Variants in SAMD8 observed in about 807,000 individuals in gnomAD.
The protein encoded by SAMD8 is sterile alpha motif domain containing 8.
A neutral mutation model predicts 42.0 loss-of-function variants in SAMD8; 20 were observed. The ratio of observed to expected loss-of-function variants is 0.48; its 90% confidence interval spans 0.34 to 0.69. The LOEUF (loss-of-function observed/expected upper bound fraction) is 0.69. Ranked by LOEUF, SAMD8 falls within the 30% of genes least tolerant of loss-of-function variation. The pLI, the probability that SAMD8 is intolerant of heterozygous loss-of-function variation, is 0.01. For missense variants in SAMD8, 328 were observed against 511.6 expected (o/e 0.64, Z 3.46); for synonymous variants, 162 against 173.0 (o/e 0.94, Z 0.50).
intron 1 of SAMD8, among the ~76,000 whole-genome samples, chr10:75,135,139 A>G (rs951925349): frequency 6.6e-6 from 1 of 152,042 alleles, no homozygotes; most frequent in Admixed American, 6.6e-5. Flanking sequence ...TGATCATCAT[A>G]CAGTGTATAC....
chr10:75,147,592 C>G (rs1305521304), intron 1 of SAMD8, among the ~76,000 whole-genome samples: 1 of 152,130 alleles, frequency 6.6e-6, no homozygotes, highest in East Asian at 1.9e-4. Context: ...TCCCAAAGTG[C>G]TGGGATAGGC....
At chr10:75,159,051 T>A (rs190857882) in intron 2 of SAMD8, among the ~76,000 whole-genome samples, 2 of 141,638 alleles carry the variant, frequency 1.4e-5, no homozygotes, top group African/African-American at 5.8e-5. Flanking sequence ...AGACAAATTT[T>A]TTTTTCTTTT....
chr10:75,124,482 G>A (rs770355053), intron 1 of SAMD8, among the ~76,000 whole-genome samples: 6 of 151,914 alleles, frequency 3.9e-5, no homozygotes, highest in African/African-American at 9.7e-5. Context: ...GCGTGGTGGC[G>A]CACGCCTGTA....
At chr10:75,155,767 CTGGTTGAGTAGACTATCATA>C (rs1291978036) in intron 2 of SAMD8, among the ~76,000 whole-genome samples, 1 of 152,140 alleles carries the variant, frequency 6.6e-6, no homozygotes, top group Non-Finnish European at 1.5e-5. Context: ...CCATGGGAAG[CTGGTTGAGTAGACTATCATA>C]CATCTATACA....
intron 4 of SAMD8, among the ~76,000 whole-genome samples, chr10:75,171,463 A>G (rs1840866057): frequency 3.3e-5 from 5 of 151,998 alleles, no homozygotes; most frequent in Admixed American, 1.3e-4. Flanking sequence ...CATCGCGCCC[A>G]GCCTCTTTAG....
At chr10:75,135,360 G>A (rs1392393455) in intron 1 of SAMD8, among the ~76,000 whole-genome samples, 3 of 151,766 alleles carry the variant, frequency 2.0e-5, no homozygotes, top group African/African-American at 7.3e-5. Context: ...GGCTGAGGCA[G>A]GAGAATCGCT....
chr10:75,150,653 T>G lies in SAMD8; in HGVS notation c.125T>G (p.Ile42Ser), dbSNP rs1840268444. The part of the protein sequence containing the change: ...ILCNKHRLDG[I>S]TLLTLTEYDL... ...TGCAATAAGCACCGACTTGATGGAA[T>G]CACATTGCTAACATTGACTGAATAT... is the stretch of plus-strand genomic sequence containing the variant. The change falls in exon 2 of 6, where the codon ATC becomes AGC. Residue 42 changes from isoleucine to serine, a missense_variant. Transcript: ENST00000542569. 6.2e-7 allele frequency: 1 copy of G among 1,614,072 alleles called. No homozygotes were observed. The highest frequency in any genetic ancestry group is 8.5e-7 in the Non-Finnish European group (1 of 1,180,042).
At chr10:75,154,865 G>T (rs73279109) in intron 2 of SAMD8, among the ~76,000 whole-genome samples, 13,699 of 152,090 alleles carry the variant, frequency 0.09, 678 homozygotes, top group Middle Eastern at 0.14. Context: ...TTAAGAGAGA[G>T]AAATCAAATA....
intron 1 of SAMD8, among the ~76,000 whole-genome samples, chr10:75,134,333 G>A (rs1018283051): frequency 6.6e-6 from 1 of 152,070 alleles, no homozygotes; most frequent in Non-Finnish European, 1.5e-5. Context: ...ATGTATCCCG[G>A]AATTTAAAAT....
At chr10:75,140,861 A>G (rs1373907617) in intron 1 of SAMD8, among the ~76,000 whole-genome samples, 1 of 152,154 alleles carries the variant, frequency 6.6e-6, no homozygotes, top group East Asian at 1.9e-4. Flanking sequence ...TCTTAACAGT[A>G]TTGATTCTTC....
At chr10:75,174,626 G>GT (rs11444331) in intron 4 of SAMD8, among the ~76,000 whole-genome samples, 83,644 of 150,644 alleles carry the variant, frequency 0.56, 25,066 homozygotes, top group East Asian at 0.9. Context: ...GTAGAGATGG[G>GT]TTTTCCATGT....
At position 75,157,635 on chromosome 10, in the gene SAMD8, T is replaced by C. The variant is rs536953656; in HGVS notation, c.578+6529T>C. Among the ~76,000 whole-genome samples, 3 of 152,034 alleles carry C rather than the reference T, an allele frequency of 2.0e-5. No homozygotes were observed. The East Asian group carries it at 5.8e-4, about 29-fold the overall frequency. On this transcript the variant is annotated intron_variant, in intron 2 of 5. Transcript: ENST00000542569. ...GTATAAAATAAGCCATCTAGGAGAGTAGGAGAGTGAATAGACTTGTGTAAT... is the reference window on the plus strand; with the variant it reads ...GTATAAAATAAGCCATCTAGGAGAGCAGGAGAGTGAATAGACTTGTGTAAT...
chr10:75,110,201 A>C (rs990058547), upstream of SAMD8, among the ~76,000 whole-genome samples: 3 of 152,158 alleles, frequency 2.0e-5, no homozygotes, highest in African/African-American at 7.2e-5. Context: ...TTGTATGTCA[A>C]ATGGGGAGAC....
intron 1 of SAMD8, among the ~76,000 whole-genome samples, chr10:75,121,708 T>C (rs1402680213): frequency 6.6e-6 from 1 of 152,170 alleles, no homozygotes; most frequent in African/African-American, 2.4e-5. Context: ...TTCTTCTTTT[T>C]TTTGACTGAG....
At chr10:75,148,348 T>TTTTTTTG (rs1840196303) in intron 1 of SAMD8, among the ~76,000 whole-genome samples, 1 of 55,946 alleles carries the variant, frequency 1.8e-5, no homozygotes, top group African/African-American at 6.9e-5. Flanking sequence ...AATACCAGCT[T>TTTTTTTG]TTTTTTTTTT....
chr10:75,137,601 T>A, intron 1 of SAMD8, among the ~76,000 whole-genome samples: 1 of 151,100 alleles, frequency 6.6e-6, no homozygotes, highest in East Asian at 1.9e-4. Flanking sequence ...CCTTGAAGCC[T>A]AAGTGAAATG....
intron 1 of SAMD8, among the ~76,000 whole-genome samples, chr10:75,135,613 C>T (rs1849378311): frequency 6.6e-6 from 1 of 152,000 alleles, no homozygotes; most frequent in South Asian, 2.1e-4. Flanking sequence ...ATCACGAGGT[C>T]AGGAGATCGA....
In SAMD8 at chr10:75,148,346, C is replaced by CTTTTTTTTTT. The variant is rs60024591; in HGVS notation, c.-15-2152_-15-2143dup. Among the ~76,000 whole-genome samples, 558 of 82,510 alleles carry CTTTTTTTTTT rather than the reference C, an allele frequency of 6.8e-3. 69 individuals carry two copies. The highest frequency in any genetic ancestry group is 0.033 in the East Asian group (76 of 2,286). The allele number at this position is 82,510 out of a possible 152,430, so 54.1% of individuals were successfully genotyped here. On this transcript the variant is annotated intron_variant, in intron 1 of 5. Coordinates refer to ENST00000542569, the MANE Select transcript of SAMD8 (RefSeq NM_001174156.2). Reference sequence around the variant, plus strand: ...GGGAAAGAATGCAGAGCAATACCAGCTTTTTTTTTTTTTTTTTTTTTTTTT... The same window carrying CTTTTTTTTTT: ...GGGAAAGAATGCAGAGCAATACCAGCTTTTTTTTTTTTTTTTTTTTTTTTTTTTTTTTTTT...
intron 1 of SAMD8, among the ~76,000 whole-genome samples, chr10:75,114,724 T>A (rs1437293357): frequency 6.6e-6 from 1 of 152,224 alleles, no homozygotes; most frequent in Non-Finnish European, 1.5e-5. Flanking sequence ...TGGTGTTAAT[T>A]GTTGGGTGTA....
Sources: allele counts gnomAD v4.1 joint callset (sites outside exome capture counted in the v4.1 genomes callset), GRCh38; gene constraint gnomAD v4.1.1; transcripts MANE v1.5; gene names NCBI Gene and HGNC (gene_info 2026-07-23, HGNC 2026-07-21).